The following NBAS variants were observed in gnomAD, a reference collection of about 807,000 sequenced individuals.
NBAS encodes the protein NBAS subunit of NRZ tethering complex.
A neutral mutation model predicts 302.5 loss-of-function variants in NBAS; 219 were observed. The observed-to-expected ratio is 0.72, with a 90% CI of 0.65 to 0.81. NBAS has a LOEUF of 0.81. Among genes scored for constraint, NBAS ranks in the 30% least tolerant of loss-of-function variants. NBAS has a pLI of 0.00. For synonymous variants in NBAS, 1,118 were observed against 1,021.6 expected (o/e 1.09, Z -1.80); for missense variants, 2,932 against 2,841.6 (o/e 1.03, Z -0.72).
chr2:15,301,566 A>G (rs1670796628), intron 40 of NBAS, among the ~76,000 whole-genome samples: 1 of 152,354 alleles, frequency 6.6e-6, no homozygotes, highest in Middle Eastern at 3.4e-3. Flanking sequence ...ACAGCGCCAG[A>G]TCTGATGTCC....
intron 30 of NBAS, among the ~76,000 whole-genome samples, chr2:15,376,946 TA>T (rs1325804857): frequency 6.6e-6 from 1 of 151,830 alleles, no homozygotes; most frequent in Admixed American, 6.6e-5. Context: ...CAAATAAAGA[TA>T]AAACTGAAAT....
intron 47 of NBAS, among the ~76,000 whole-genome samples, chr2:15,219,774 C>T (rs1327653464): frequency 1.4e-5 from 2 of 138,746 alleles, no homozygotes; most frequent in African/African-American, 5.4e-5. Context: ...TTTCCCCACC[C>T]TTCCCGCCTT....
intron 40 of NBAS, among the ~76,000 whole-genome samples, chr2:15,293,921 C>T (rs1487161637): frequency 2.0e-5 from 3 of 151,948 alleles, no homozygotes; most frequent in Admixed American, 1.3e-4. Context: ...TATTTTTTTC[C>T]CTACCTCTAT....
chr2:14,940,001 G>A, the NBAS span, among the ~76,000 whole-genome samples: 3 of 152,138 alleles, frequency 2.0e-5, no homozygotes, highest in Non-Finnish European at 2.9e-5. Context: ...TTTAAAATTA[G>A]AAAACTCTTT....
At chr2:14,896,005 G>GAA in the NBAS span, among the ~76,000 whole-genome samples, 45,257 of 150,022 alleles carry the variant, frequency 0.3, 7,242 homozygotes, top group Non-Finnish European at 0.36. Flanking sequence ...CTATAAAGGG[G>GAA]AAAAAAAAAC....
chr2:15,476,387 GA>G (rs967326622), intron 13 of NBAS, among the ~76,000 whole-genome samples: 47 of 149,850 alleles, frequency 3.1e-4, no homozygotes, highest in African/African-American at 4.7e-4. Flanking sequence ...ATCAGAGAGG[GA>G]AAAAAAAAAT....
At chr2:15,409,182 CTG>C (rs1676564551) in intron 25 of NBAS, among the ~76,000 whole-genome samples, 1 of 152,174 alleles carries the variant, frequency 6.6e-6, no homozygotes, top group Non-Finnish European at 1.5e-5. Context: ...TTTCCTTTGA[CTG>C]TAACTTTTGT....
At chr2:15,520,620 A>G (rs1662619355) in intron 9 of NBAS, among the ~76,000 whole-genome samples, 1 of 152,170 alleles carries the variant, frequency 6.6e-6, no homozygotes, top group Admixed American at 6.5e-5. Flanking sequence ...TAAAAAAAAA[A>G]ACAGACAATA....
chr2:15,330,097 T>C (rs1411650734), intron 36 of NBAS, among the ~76,000 whole-genome samples: 2 of 152,194 alleles, frequency 1.3e-5, no homozygotes, highest in African/African-American at 4.8e-5. Flanking sequence ...TGAGGTGAAC[T>C]GCTAATAGTT....
At chr2:15,040,149 G>A in the NBAS span, among the ~76,000 whole-genome samples, 1 of 152,162 alleles carries the variant, frequency 6.6e-6, no homozygotes, top group African/African-American at 2.4e-5. Context: ...AGGATCCTAG[G>A]AGCCAAAGGA....
intron 32 of NBAS, among the ~76,000 whole-genome samples, chr2:15,358,327 C>T (rs1337647487): frequency 6.6e-6 from 1 of 152,098 alleles, no homozygotes; most frequent in Non-Finnish European, 1.5e-5. Context: ...TGCTGTCTCC[C>T]ATGTGCTTGA....
At chr2:15,047,372 G>A in the NBAS span, among the ~76,000 whole-genome samples, 1 of 151,554 alleles carries the variant, frequency 6.6e-6, no homozygotes, top group South Asian at 2.1e-4. Context: ...CAGGAAGGCG[G>A]GGCTTATGCA....
chr2:15,010,121 C>T, the NBAS span, among the ~76,000 whole-genome samples: 1 of 152,088 alleles, frequency 6.6e-6, no homozygotes, highest in Non-Finnish European at 1.5e-5. Flanking sequence ...GAAACATTCT[C>T]TTTTTATAGT....
At chr2:15,060,633 G>T in the NBAS span, among the ~76,000 whole-genome samples, 1 of 152,090 alleles carries the variant, frequency 6.6e-6, no homozygotes, top group Non-Finnish European at 1.5e-5. Context: ...GTGCAGGGAG[G>T]ATGGGACTTC....
chr2:14,840,608 G>A, the NBAS span, among the ~76,000 whole-genome samples: 1 of 152,088 alleles, frequency 6.6e-6, no homozygotes, highest in African/African-American at 2.4e-5. Context: ...TATAGCCCAG[G>A]AGGGTGTTAG....
chr2:15,528,885 A>ATGTATATATATGTGTGTG lies in NBAS; in HGVS notation c.746+5657_746+5658insCACACACATATATATACA, dbSNP rs1553333193. ...CCATCTCAAAAAAAAAAAAATATAT[A>ATGTATATATATGTGTGTG]TATATATATATATGTGTGTATATAT... On this transcript the variant is annotated intron_variant, in intron 9 of 51. Coordinates refer to ENST00000281513, the MANE Select transcript of NBAS (RefSeq NM_015909.4). Among the ~76,000 whole-genome samples, 145 of 123,208 alleles carry ATGTATATATATGTGTGTG rather than the reference A, an allele frequency of 1.2e-3. 1 individual carries two copies. The highest frequency in any genetic ancestry group is 4.4e-3 in the African/African-American group (140 of 31,702). The allele number at this position is 123,208 out of a possible 152,430, so 80.8% of individuals were successfully genotyped here. A position where few individuals can be genotyped will look rare whatever the true frequency, so the allele number is the denominator to read the frequency against.
chr2:14,880,147 T>G, the NBAS span, among the ~76,000 whole-genome samples: 1 of 152,250 alleles, frequency 6.6e-6, no homozygotes, highest in South Asian at 2.1e-4. Flanking sequence ...AGTTTTTTAT[T>G]AATTTAAAAA....
chr2:15,274,717 C>A (rs1473853054), intron 44 of NBAS, among the ~76,000 whole-genome samples: 1 of 152,088 alleles, frequency 6.6e-6, no homozygotes, highest in Non-Finnish European at 1.5e-5. Flanking sequence ...TTCAATAATT[C>A]TATCACCAAG....
chr2:14,834,240 T>C, the NBAS span, among the ~76,000 whole-genome samples: 1 of 152,180 alleles, frequency 6.6e-6, no homozygotes, highest in South Asian at 2.1e-4. Context: ...AGCAGACTTA[T>C]TTAAAAAATC....
Sources: allele counts gnomAD v4.1 joint callset (sites outside exome capture counted in the v4.1 genomes callset), GRCh38; gene constraint gnomAD v4.1.1; transcripts MANE v1.5; gene names NCBI Gene and HGNC (gene_info 2026-07-23, HGNC 2026-07-21).